SLC39A10: variants seen among roughly 807,000 people sequenced by gnomAD.
SLC39A10 encodes solute carrier family 39 member 10.
A neutral mutation model predicts 65.1 loss-of-function variants in SLC39A10; 13 were observed. The observed-to-expected ratio is 0.20, with a 90% confidence interval of 0.13 to 0.32. The LOEUF (loss-of-function observed/expected upper bound fraction) is 0.32. SLC39A10 is among the 10% of genes least tolerant of loss of function. The probability of loss-of-function intolerance (pLI) is 1.00; values close to 1 mark genes in which losing one functional copy is unlikely to be tolerated. For missense variants in SLC39A10, 831 were observed against 1,018.4 expected (o/e 0.82, Z 2.50); for synonymous variants, 321 against 342.2 (o/e 0.94, Z 0.68).
At chr2:195,681,464 G>A (rs1317096311) in intron 2 of SLC39A10, among the ~76,000 whole-genome samples, 2 of 152,136 alleles carry the variant, frequency 1.3e-5, no homozygotes, top group African/African-American at 4.8e-5. Flanking sequence ...GGCAGAGGTT[G>A]CAGTGAGCCG....
At position 195,630,623 on chromosome 2, in the gene SLC39A10, G is replaced by A. The variant is rs1688566784; in HGVS notation, c.-12+24390G>A. ...CCAGAGAGGCCTAACACACCCAACAGTGTAACAAAAGACTGCAACAAGGGC... is the reference window on the plus strand; with the variant it reads ...CCAGAGAGGCCTAACACACCCAACAATGTAACAAAAGACTGCAACAAGGGC... On this transcript the variant is annotated intron_variant, in intron 2 of 2. Transcript: ENST00000458054. Among the ~76,000 whole-genome samples the A allele has an allele frequency of 2.6e-5, 4 of 152,224 alleles. No individual in the cohort carries two copies. The South Asian group carries it at 6.2e-4, about 24-fold the overall frequency.
At position 195,675,283 on chromosome 2, in the gene SLC39A10, A is replaced by G. The variant is rs77679192; in HGVS notation, c.-11-4749A>G. The stretch of plus-strand genomic sequence containing the variant: ...GGTTATCTTGGGACTCTGAGGGTAA[A>G]TTTGAGCGTGCTTGGATTTTTGGTA... On this transcript the variant is annotated intron_variant, in intron 1 of 9. Coordinates refer to ENST00000359634, the MANE Select transcript of SLC39A10 (RefSeq NM_020342.3). Among the ~76,000 whole-genome samples the G allele has an allele frequency of 3.9e-3, 594 of 152,244 alleles. 3 individuals are homozygous for G. The highest frequency in any genetic ancestry group is 6.2e-3 in the Non-Finnish European group (423 of 68,016).
At chr2:195,729,286 C>G (rs1692352589) in intron 9 of SLC39A10, among the ~76,000 whole-genome samples, 1 of 152,028 alleles carries the variant, frequency 6.6e-6, no homozygotes, top group African/African-American at 2.4e-5. Context: ...CCGGCCCAGC[C>G]TAAATTTTTA....
At chr2:195,613,346 T>G (rs1004925334) in intron 2 of SLC39A10, among the ~76,000 whole-genome samples, 1 of 152,254 alleles carries the variant, frequency 6.6e-6, no homozygotes, top group Non-Finnish European at 1.5e-5. Flanking sequence ...TACAGTACAT[T>G]GTTTCTCATT....
intron 2 of SLC39A10, among the ~76,000 whole-genome samples, chr2:195,644,493 C>T (rs1688871477): frequency 6.6e-6 from 1 of 151,854 alleles, no homozygotes; most frequent in African/African-American, 2.4e-5. Context: ...AGGCATGCAC[C>T]ACCACACCCG....
At position 195,728,059 on chromosome 2, in the gene SLC39A10, G is replaced by A; in HGVS notation, c.2147-100G>A. 9.6e-7 allele frequency: 1 copy of A among 1,037,524 alleles called. No individual in the cohort carries two copies. Among genetic ancestry groups the A allele is most frequent in the South Asian group, 1.7e-5 (1 of 59,124 alleles). 64.3% of individuals were successfully genotyped at this position (1,037,524 alleles called of 1,614,324 possible). A position where few individuals can be genotyped will look rare whatever the true frequency, so the allele number is the denominator to read the frequency against. The stretch of plus-strand genomic sequence containing the variant: ...ATCACATAAAATACTGTTATTAAAA[G>A]TGTGTATCTTTTTAATGCTGATTTT... On this transcript the variant is annotated intron_variant, in intron 8 of 9. Transcript: ENST00000359634. The surrounding 1 kb of genome is among the most constrained non-coding windows in gnomAD (Gnocchi z 4.4).
At chr2:195,627,832 A>G (rs1574200908) in intron 2 of SLC39A10, among the ~76,000 whole-genome samples, 1 of 152,216 alleles carries the variant, frequency 6.6e-6, no homozygotes, top group South Asian at 2.1e-4. Flanking sequence ...AGAAATTCCA[A>G]AGATGGGAGA....
At chr2:195,729,619 G>A (rs1396104148) in intron 9 of SLC39A10, among the ~76,000 whole-genome samples, 4 of 152,048 alleles carry the variant, frequency 2.6e-5, no homozygotes, top group East Asian at 1.9e-4. Flanking sequence ...TGCTGACTCC[G>A]TTAAATTCTC....
intron 5 of SLC39A10, among the ~76,000 whole-genome samples, chr2:195,710,010 A>C (rs1691553495): frequency 6.6e-6 from 1 of 152,138 alleles, no homozygotes; most frequent in Admixed American, 6.5e-5. Flanking sequence ...AATAAAATGA[A>C]ATGATGGAAA....
At chr2:195,694,370 A>C (rs190880412) in intron 3 of SLC39A10, among the ~76,000 whole-genome samples, 11 of 152,258 alleles carry the variant, frequency 7.2e-5, no homozygotes, top group African/African-American at 2.2e-4. Context: ...TTCTGTCTTG[A>C]TGATTTGTCT....
intron 2 of SLC39A10, among the ~76,000 whole-genome samples, chr2:195,647,233 GCATTATTCTGTCTACCAC>G (rs1398683158): frequency 6.6e-6 from 1 of 152,002 alleles, no homozygotes; most frequent in Non-Finnish European, 1.5e-5. Context: ...TATGGGGGAG[GCATTATTCTGTCTACCAC>G]CCTAGTCGTA....
rs528522518 is a variant in SLC39A10 at position 195,638,378 on chromosome 2, C to T, written c.-12+32145C>T. On this transcript the variant is annotated intron_variant, in intron 2 of 2. Transcript: ENST00000458054. ...TTGTTTTGAGACAGTCTCACTCTGT[C>T]GCCCAGGCTGGAGTGCAGTGATGCA... is the stretch of plus-strand genomic sequence containing the variant. Among the ~76,000 whole-genome samples, 8 of 152,158 alleles carry T rather than the reference C, an allele frequency of 5.3e-5. No individual in the cohort carries two copies. In the East Asian group the frequency reaches 9.7e-4, roughly 18 times the overall value.
At chr2:195,641,718 C>G (rs920501191) in intron 2 of SLC39A10, among the ~76,000 whole-genome samples, 10 of 144,926 alleles carry the variant, frequency 6.9e-5, no homozygotes, top group Admixed American at 2.1e-4. Flanking sequence ...TGGAGTCTCG[C>G]TCTGGGAGTC....
intron 2 of SLC39A10, among the ~76,000 whole-genome samples, chr2:195,643,782 C>A (rs1035415453): frequency 2.0e-5 from 3 of 152,210 alleles, no homozygotes; most frequent in African/African-American, 7.2e-5. Flanking sequence ...CCATGGGTAG[C>A]CCACAAATAA....
chr2:195,715,706 A>G (rs1691782458), intron 6 of SLC39A10, among the ~76,000 whole-genome samples: 1 of 152,172 alleles, frequency 6.6e-6, no homozygotes, highest in Non-Finnish European at 1.5e-5. Flanking sequence ...CATTTATGAA[A>G]TAGAAGTTCT....
rs954719532 is a variant in SLC39A10, at chr2:195,617,300, T to C, written c.-12+11067T>C. On this transcript the variant is annotated intron_variant, in intron 2 of 2. Transcript: ENST00000458054. ...TAACTGAGCCGGGCGTAGTGGCTCA[T>C]GCCTGTAATCCCAGCACTTTGGGAG... 1.2e-4 allele frequency among the ~76,000 whole-genome samples: 19 copies of C among 152,246 alleles called. 1 individual carries two copies. Among genetic ancestry groups the C allele is most frequent in the South Asian group, 4.1e-4 (2 of 4,828 alleles).
intron 3 of SLC39A10, among the ~76,000 whole-genome samples, 170 bp downstream of exon 3, chr2:195,684,076 C>CG (rs1030320673): frequency 4.0e-5 from 6 of 151,720 alleles, no homozygotes; most frequent in African/African-American, 1.5e-4. Flanking sequence ...TGGGGGAAGA[C>CG]GGGGGCACAA....
chr2:195,614,421 T>G (rs1354752606), intron 2 of SLC39A10, among the ~76,000 whole-genome samples: 2 of 152,182 alleles, frequency 1.3e-5, no homozygotes, highest in Admixed American at 6.5e-5. Flanking sequence ...CCTCCACACT[T>G]TTATGGATTC....
upstream of SLC39A10, among the ~76,000 whole-genome samples, chr2:195,656,489 G>A (rs1689147519): frequency 1.3e-5 from 2 of 152,254 alleles, no homozygotes; most frequent in South Asian, 4.1e-4. Context: ...GAAGACCTTG[G>A]AAAGTTGCCA....
Sources: allele counts gnomAD v4.1 joint callset (sites outside exome capture counted in the v4.1 genomes callset), GRCh38; gene constraint gnomAD v4.1.1; non-coding constraint Gnocchi (gnomAD v3.1); transcripts MANE v1.5; gene names NCBI Gene and HGNC (gene_info 2026-07-23, HGNC 2026-07-21).